MUC6: variants seen among roughly 807,000 people sequenced by gnomAD.
MUC6 encodes mucin 6, oligomeric mucus/gel-forming (gene/pseudogene).
MUC6 carries 188 observed loss-of-function variants against 201.5 expected under a neutral mutation model. The ratio of observed to expected loss-of-function variants is 0.93; its 90% CI spans 0.83 to 1.05. The LOEUF is 1.05. Among genes scored for constraint, MUC6 ranks in the 50% least tolerant of loss-of-function variants. MUC6 has a pLI of 0.00. For synonymous variants in MUC6, 1,228 were observed against 1,389.4 expected, an observed-to-expected ratio of 0.88 and a Z score of 2.58; for missense variants, 2,706 against 3,256.9, an observed-to-expected ratio of 0.83 and a Z score of 4.12.
chr11:1,029,681 T>C lies in MUC6; in HGVS notation c.1016-66A>G, dbSNP rs1857055545. ...TGCCTCCCACTCTCCCCTCCCTGGC[T>C]CCAGGGAGACGCCCCCTCCAGCCTG... On this transcript the variant is annotated intron_variant, in intron 8 of 32. Transcript: ENST00000421673. 2.7e-6 allele frequency: 4 copies of C among 1,486,902 alleles called. No homozygotes were observed. The African/African-American group carries it at 4.5e-5, about 17-fold the overall frequency. The allele number at this position is 1,486,902 out of a possible 1,614,324, so 92.1% of individuals were successfully genotyped here.
Position 1,016,116 on chromosome 11 carries a change from A to G in MUC6, c.6685T>C (p.Ser2229Pro). 5 of 1,613,438 alleles carry G rather than the reference A, an allele frequency of 3.1e-6. No individual in the cohort carries two copies. The highest frequency in any genetic ancestry group is 1.7e-5 in the Admixed American group (1 of 59,976). ...GGGGTGGGAGACACGGTAACAGTGG[A>G]TATGGGGAGTAGAGCAGAGAGGGTG... ...PFTLSALLPI[S>P]TVTVSPTPSS... Residue 2229 changes from serine to proline, a missense_variant, in exon 31 of 33, where the codon TCC (serine) becomes CCC (proline). Ser to Pro is a moderately conservative substitution (Grantham distance 74). Around this residue, in one of 10 missense-constraint regions of MUC6, gnomAD observed 586 missense variants for 488.0 expected, o/e 1.20. Coordinates refer to ENST00000421673, the MANE Select transcript of MUC6 (RefSeq NM_005961.3).
rs1857097550 is a variant in MUC6 at position 1,031,277 on chromosome 11, GCTGGGGGCCCGGGGGCCAGGGGCCCC to G, written c.484-44_484-19del. 2 of 1,553,602 alleles carry G rather than the reference GCTGGGGGCCCGGGGGCCAGGGGCCCC, an allele frequency of 1.3e-6. No individual in the cohort carries two copies. Among genetic ancestry groups the G allele is most frequent in the Non-Finnish European group, 1.7e-6 (2 of 1,149,558 alleles). ...ACCAGAACCTGCGGGAGACGGCTCT[GCTGGGGGCCCGGGGGCCAGGGGCCCC>G]CTCATCTGCTGTGGAGGGCTCTCAG... On this transcript the variant is annotated intron_variant, in intron 4 of 32. Transcript: ENST00000421673.
chr11:1,013,543 G>A lies in MUC6; in HGVS notation c.7233C>T (p.Pro2411=), dbSNP rs1272540101. The change falls in exon 33 of 33, where the codon CCC becomes CCT. Residue 2411 remains proline (P), a synonymous_variant. Coordinates refer to ENST00000421673, the MANE Select transcript of MUC6 (RefSeq NM_005961.3). ...SYEQQLELPC[P]DPSTPGRRLV... ...GCCGCCGGCCAGGCGTGCTGGGATC[G>A]GGGCAGGGCAGCTCCAGCTGCTGCT... 4 of 1,578,622 alleles carry A rather than the reference G, an allele frequency of 2.5e-6. No individual in the cohort carries two copies. Among genetic ancestry groups the A allele is most frequent in the Admixed American group, 1.8e-5 (1 of 54,732 alleles).
At chr11:1,023,022 GTGAA>G (rs1470446576) in intron 26 of MUC6, among the ~76,000 whole-genome samples, 1 of 151,144 alleles carries the variant, frequency 6.6e-6, no homozygotes, top group Admixed American at 6.6e-5. Flanking sequence ...ATGAATGAAT[GTGAA>G]TGTGTTGAGT....
At position 1,033,019 on chromosome 11, in the gene MUC6, G is replaced by C; in HGVS notation, c.109C>G (p.Gln37Glu). The change falls in exon 2 of 33, where the codon CAG (glutamine) becomes GAG (glutamate). Residue 37 changes from glutamine (Q) to glutamate (E), a missense_variant. Transcript: ENST00000421673. This position sits in a 1 kb window ranked among gnomAD's most constrained non-coding sequence, Gnocchi z 5.6. ...GTGGCCGCTGTGTTCTTACCTGTCT[G>C]TGGAGAGTCCTTCAGCCTCTGGAGG... Reference protein sequence around the residue: ...PGLQRLKDSPQTAPDKGQCST... With the variant: ...PGLQRLKDSPETAPDKGQCST... 6.2e-7 allele frequency: 1 copy of C among 1,601,470 alleles called. No individual in the cohort carries two copies. The highest frequency in any genetic ancestry group is 8.5e-7 in the Non-Finnish European group (1 of 1,170,484).
Position 1,013,981 on chromosome 11 carries a change from G to T in MUC6, c.7060C>A (p.Gln2354Lys). ...CCCTTGAACGTGATCTCCTCCTGCT[G>T]CTCCCGCACACTGCAGACCCCTGGT... ...TSPGVCSVREQQEEITFKGCM... is the reference protein window; with the variant it reads ...TSPGVCSVREKQEEITFKGCM... Residue 2354 changes from glutamine (Q) to lysine (K), a missense_variant, in exon 32 of 33, where the codon CAG (glutamine) becomes AAG (lysine). Gln to Lys is a moderately conservative substitution (Grantham distance 53). Transcript: ENST00000421673. 2 of 1,608,622 alleles carry T rather than the reference G, an allele frequency of 1.2e-6. No individual in the cohort carries two copies. The highest frequency in any genetic ancestry group is 1.7e-6 in the Non-Finnish European group (2 of 1,178,160).
At position 1,019,323 on chromosome 11, in the gene MUC6, T is replaced by C. The variant is rs1420427974; in HGVS notation, c.3982A>G (p.Thr1328Ala). 1.9e-6 allele frequency: 3 copies of C among 1,614,052 alleles called. No homozygotes were observed. Among genetic ancestry groups the C allele is most frequent in the Admixed American group, 1.7e-5 (1 of 60,028 alleles). Residue 1328 changes from threonine to alanine, a missense_variant, in exon 30 of 33, where the codon ACA becomes GCA. Physicochemically the swap from Thr to Ala is moderately conservative, Grantham distance 58. Transcript: ENST00000421673. ...TSTAQSTTRT[T>A]MTLPTPATSG... The stretch of plus-strand genomic sequence containing the variant: ...GTGGCTGGGGTTGGTAGTGTCATTG[T>C]GGTCCGTGTTGTGGACTGAGCTGTG...
intron 1 of MUC6, among the ~76,000 whole-genome samples, chr11:1,034,164 C>T (rs530600882): frequency 2.1e-4 from 32 of 152,172 alleles, no homozygotes; most frequent in Non-Finnish European, 4.6e-4. Context: ...CCTTGGCCGC[C>T]TGGGTGAGTC....
At chr11:1,032,895 G>A (rs1857142417) in intron 2 of MUC6, 118 bp downstream of exon 2, 3 of 797,590 alleles carry the variant, frequency 3.8e-6, no homozygotes, top group South Asian at 1.8e-5. Context: ...TCATGTTGGT[G>A]CATATATGTG....
Position 1,029,621 on chromosome 11 carries a change from G to C in MUC6, c.1016-6C>G, listed in dbSNP as rs545048596. On this transcript the variant is annotated splice_region_variant and splice_polypyrimidine_tract_variant and intron_variant, in intron 8 of 32. Transcript: ENST00000421673. The stretch of plus-strand genomic sequence containing the variant: ...GAGGTCATTCAGGACCGTACCTGCA[G>C]GAGAGGGTCTTCTTGGGGCTTGGGT... 1.3e-6 allele frequency: 2 copies of C among 1,569,868 alleles called. No homozygotes were observed. The highest frequency in any genetic ancestry group is 4.5e-5 in the East Asian group (2 of 44,074).
rs1421484721 is a variant in MUC6 at position 1,036,652 on chromosome 11, C to G, written c.4G>C (p.Val2Leu). 3.9e-6 allele frequency: 6 copies of G among 1,547,126 alleles called. No individual in the cohort carries two copies. The highest frequency in any genetic ancestry group is 1.4e-5 in the African/African-American group (1 of 72,988). The change falls in exon 1 of 33, where the codon GTC becomes CTC. Residue 2 changes from valine to leucine, a missense_variant. Transcript: ENST00000421673. ...CAGGACAGCAGCAGCCACCGCTGGA[C>G]CATGGTGCACAGTGGAGAGGAGCTC... is the stretch of plus-strand genomic sequence containing the variant. Reference protein sequence around the residue: MVQRWLLLSCCG... With the variant: MLQRWLLLSCCG...
chr11:1,032,645 C>T (rs1857134734), intron 2 of MUC6, among the ~76,000 whole-genome samples: 1 of 144,908 alleles, frequency 6.9e-6, no homozygotes, highest in Non-Finnish European at 1.5e-5. Flanking sequence ...GTTTGCATGT[C>T]TGGGATGTGT....
In MUC6 at chr11:1,016,373, G is replaced by A; in HGVS notation, c.6428C>T (p.Ser2143Phe). 5 of 1,612,476 alleles carry A rather than the reference G, an allele frequency of 3.1e-6. No individual in the cohort carries two copies. The highest frequency in any genetic ancestry group is 1.3e-5 in the African/African-American group (1 of 74,970). ...AGAGGAGTGGGAGGAGGGCACATAAGAAGAAACAGTAGAGGGGGCAGAAGG... is the reference window on the plus strand; with the variant it reads ...AGAGGAGTGGGAGGAGGGCACATAAAAAGAAACAGTAGAGGGGGCAGAAGG... Reference protein sequence around the residue: ...PSPSAPSTVSSYVPSSHSSPQ... With the variant: ...PSPSAPSTVSFYVPSSHSSPQ... Residue 2143 changes from serine to phenylalanine, a missense_variant, in exon 31 of 33, where the codon TCT becomes TTT. By Grantham distance (155) the Ser-to-Phe change is radical. Coordinates refer to ENST00000421673, the MANE Select transcript of MUC6 (RefSeq NM_005961.3).
At chr11:1,031,287 CG>C (rs1485148135) in intron 4 of MUC6, 28 bp from the exon 5 acceptor site, 4 of 1,546,626 alleles carry the variant, frequency 2.6e-6, no homozygotes, top group Non-Finnish European at 2.6e-6. Context: ...GCTGGGGGCC[CG>C]GGGGCCAGGG....
rs762891284 is a variant in MUC6 at position 1,015,760 on chromosome 11, A to G, written c.7039+2T>C. On this transcript the variant is annotated splice_donor_variant, in intron 31 of 32. Transcript: ENST00000421673. LOFTEE classifies it high-confidence loss of function. ...GAGAAGGGCCACAGAGATGCCACTT[A>G]CCGGGTGAGGTGGGCGTAGGTGTCC... The G allele has an allele frequency of 2.0e-6, 3 of 1,528,660 alleles. No homozygotes were observed. The highest frequency in any genetic ancestry group is 2.1e-5 in the Admixed American group (1 of 48,518). 94.7% of individuals were successfully genotyped at this position (1,528,660 alleles called of 1,614,324 possible). A position where few individuals can be genotyped will look rare whatever the true frequency, so the allele number is the denominator to read the frequency against.
chr11:1,018,688 G>C lies in MUC6; in HGVS notation c.4113C>G (p.Gly1371=), dbSNP rs376778315. 5.5e-5 allele frequency: 89 copies of C among 1,610,888 alleles called. No individual in the cohort carries two copies. The highest frequency in any genetic ancestry group is 7.2e-5 in the Non-Finnish European group (85 of 1,178,810). The change falls in exon 31 of 33, where the codon GGC becomes GGG. Residue 1371 remains glycine (G), a synonymous_variant. Transcript: ENST00000421673. ...GPRPTPASTT[G]PTTPQPGQPT... ...GTTGTCCTGGCTGTGGGGTGGTTGG[G>C]CCTGTGGTGCTTGCTGGGGTTGGAC...
Position 1,029,254 on chromosome 11 carries a change from C to G in MUC6, c.1249G>C (p.Gly417Arg). The change falls in exon 10 of 33, where the codon GGC becomes CGC. Residue 417 changes from glycine to arginine, a missense_variant. Physicochemically the swap from Gly to Arg is moderately radical, Grantham distance 125. This residue lies in a region of MUC6 where 1,850 missense variants were observed against 1,958.3 expected (regional missense o/e 0.94). Transcript: ENST00000421673. Reference sequence around the variant, plus strand: ...TGGAGGAGGATGTAGGTGCAGGTGCCGTGGAAGCGGTAGGGCCTGGCGTCA... The same window carrying G: ...TGGAGGAGGATGTAGGTGCAGGTGCGGTGGAAGCGGTAGGGCCTGGCGTCA... ...TFDARPYRFH[G>R]TCTYILLQSP... The G allele has an allele frequency of 1.9e-6, 3 of 1,607,564 alleles. No homozygotes were observed. Among genetic ancestry groups the G allele is most frequent in the Non-Finnish European group, 2.5e-6 (3 of 1,177,838 alleles).
chr11:1,033,371 A>AGGGT lies in MUC6; in HGVS notation c.53-300_53-297dup, dbSNP rs1393050942. Among the ~76,000 whole-genome samples, 1 of 150,234 alleles carries AGGGT rather than the reference A, an allele frequency of 6.7e-6. No individual in the cohort carries two copies. Among genetic ancestry groups the AGGGT allele is most frequent in the African/African-American group, 2.4e-5 (1 of 41,218 alleles). ...GGCAGATGGCGGGCACCCTGTGTGCAGGGTACTCATCCCTGGGGCTTCTGG... is the reference window on the plus strand; with the variant it reads ...GGCAGATGGCGGGCACCCTGTGTGCAGGGTGGGTACTCATCCCTGGGGCTTCTGG... On this transcript the variant is annotated intron_variant, in intron 1 of 32. Coordinates refer to ENST00000421673, the MANE Select transcript of MUC6 (RefSeq NM_005961.3). This position sits in a 1 kb window ranked among gnomAD's most constrained non-coding sequence, Gnocchi z 5.6.
At chr11:1,019,051 G>A (rs1223497434) in intron 30 of MUC6, among the ~76,000 whole-genome samples, 6 of 152,236 alleles carry the variant, frequency 3.9e-5, no homozygotes, top group East Asian at 1.9e-4. Flanking sequence ...CCCTGTGGCC[G>A]TGGTGGTGGC....
Sources: allele counts gnomAD v4.1 joint callset (sites outside exome capture counted in the v4.1 genomes callset), GRCh38; gene constraint gnomAD v4.1.1; regional missense constraint gnomAD v4.1.1; non-coding constraint Gnocchi (gnomAD v3.1); transcripts MANE v1.5; gene names NCBI Gene and HGNC (gene_info 2026-07-23, HGNC 2026-07-21).